TAFA2: variants seen among roughly 807,000 people sequenced by gnomAD.
TAFA2 encodes the protein chemokine-like protein TAFA-2.
Under a neutral mutation model 18.8 loss-of-function variants are expected in TAFA2, and 7 were observed. The ratio of observed to expected loss-of-function variants is 0.37; its 90% CI spans 0.21 to 0.70. The LOEUF (loss-of-function observed/expected upper bound fraction) is 0.70. TAFA2 is among the 30% of genes least tolerant of loss of function. The pLI, the probability that TAFA2 is intolerant of heterozygous loss-of-function variation, is 0.53. For synonymous variants in TAFA2, 60 were observed against 54.2 expected (o/e 1.11, Z -0.47); for missense variants, 122 against 158.1 (o/e 0.77, Z 1.23).
At chr12:62,173,425 A>T (rs190650285) in intron 1 of TAFA2, among the ~76,000 whole-genome samples, 1 of 152,226 alleles carries the variant, frequency 6.6e-6, no homozygotes, top group Non-Finnish European at 1.5e-5. Flanking sequence ...AAGAAAAAAA[A>T]ATAGTGTGAA....
At chr12:62,222,688 T>C (rs560062476) in intron 1 of TAFA2, among the ~76,000 whole-genome samples, 3,271 of 150,748 alleles carry the variant, frequency 0.022, 119 homozygotes, top group African/African-American at 0.074. Flanking sequence ...TTTTTTTTTT[T>C]TATTTTTAGT....
chr12:62,150,345 A>G (rs1454444111), intron 1 of TAFA2, among the ~76,000 whole-genome samples: 2 of 152,308 alleles, frequency 1.3e-5, no homozygotes, highest in East Asian at 3.9e-4. Flanking sequence ...GGTATTAGAT[A>G]CAAGTAAATA....
intron 4 of TAFA2, among the ~76,000 whole-genome samples, chr12:61,744,300 A>T (rs1230529576): frequency 6.6e-6 from 1 of 152,148 alleles, no homozygotes; most frequent in African/African-American, 2.4e-5. Context: ...TTGGAGTAAC[A>T]TCTACAGATT....
At chr12:61,911,450 T>A (rs139738672) in intron 1 of TAFA2, among the ~76,000 whole-genome samples, 82 of 152,348 alleles carry the variant, frequency 5.4e-4, no homozygotes, top group African/African-American at 1.9e-3. Flanking sequence ...ATTCTTTCCA[T>A]GTATAAGTTA....
intron 2 of TAFA2, among the ~76,000 whole-genome samples, chr12:61,814,099 G>T (rs949103690): frequency 6.6e-6 from 1 of 151,280 alleles, no homozygotes; most frequent in African/African-American, 2.5e-5. Flanking sequence ...ATTTCAATAA[G>T]GGAAATAAAT....
In TAFA2 at chr12:62,047,456, T is replaced by C. The variant is rs559285184; in HGVS notation, c.-2+143803A>G. 5.3e-5 allele frequency among the ~76,000 whole-genome samples: 8 copies of C among 152,324 alleles called. 1 individual carries two copies. The South Asian group carries it at 1.7e-3, about 32-fold the overall frequency. On this transcript the variant is annotated intron_variant, in intron 1 of 4. Coordinates refer to ENST00000416284, the MANE Select transcript of TAFA2 (RefSeq NM_178539.5). Reference sequence around the variant, plus strand: ...AAAGCTCTATATAATATAAATTTATTACTTCTGCTAATATTTAGCTGAACA... The same window carrying C: ...AAAGCTCTATATAATATAAATTTATCACTTCTGCTAATATTTAGCTGAACA...
At chr12:61,942,309 C>T (rs1296868321) in intron 1 of TAFA2, among the ~76,000 whole-genome samples, 1 of 147,828 alleles carries the variant, frequency 6.8e-6, no homozygotes, top group Non-Finnish European at 1.5e-5. Flanking sequence ...CTGTACATCA[C>T]CATCATCAAA....
chr12:61,867,977 A>G (rs888327422), intron 1 of TAFA2, among the ~76,000 whole-genome samples: 6 of 152,048 alleles, frequency 3.9e-5, no homozygotes, highest in South Asian at 2.1e-4. Flanking sequence ...AATGTGCACA[A>G]CTCCACTACA....
chr12:61,788,301 C>A (rs937067619), intron 2 of TAFA2, among the ~76,000 whole-genome samples: 1 of 151,594 alleles, frequency 6.6e-6, no homozygotes, highest in African/African-American at 2.4e-5. Context: ...GTTATCCAGA[C>A]CAAAAACATC....
chr12:62,111,734 A>G (rs1490730561), intron 1 of TAFA2, among the ~76,000 whole-genome samples: 2 of 151,890 alleles, frequency 1.3e-5, no homozygotes, highest in Non-Finnish European at 2.9e-5. Context: ...CCCTTTACCA[A>G]TGTAATTCCC....
chr12:62,206,575 C>T (rs76332013), intron 1 of TAFA2, among the ~76,000 whole-genome samples: 8,410 of 152,054 alleles, frequency 0.055, 282 homozygotes, highest in African/African-American at 0.085. Flanking sequence ...GTCACCCAGG[C>T]GGGATGCAGT....
chr12:62,056,406 C>A lies in TAFA2; in HGVS notation c.-2+134853G>T, dbSNP rs575695063. Among the ~76,000 whole-genome samples, 66 of 152,326 alleles carry A rather than the reference C, an allele frequency of 4.3e-4. 1 individual carries two copies. The highest frequency in any genetic ancestry group is 1.9e-3 in the South Asian group (9 of 4,826). On this transcript the variant is annotated intron_variant, in intron 1 of 4. Transcript: ENST00000416284. ...CATTGAAAAGTTCAACTGATGTTTA[C>A]AACCACCAGTGTGGCATATAATAAT...
chr12:62,069,582 C>T (rs959250240), intron 1 of TAFA2, among the ~76,000 whole-genome samples: 2 of 152,146 alleles, frequency 1.3e-5, no homozygotes, highest in Non-Finnish European at 2.9e-5. Flanking sequence ...CTTATAATAA[C>T]ACTAGCTAAC....
intron 1 of TAFA2, among the ~76,000 whole-genome samples, chr12:61,896,344 A>G (rs942414625): frequency 6.6e-6 from 1 of 152,222 alleles, no homozygotes; most frequent in Admixed American, 6.5e-5. Flanking sequence ...ATCTAATTAT[A>G]TTACACTTTC....
At chr12:62,252,140 G>A (rs1009348104) in intron 1 of TAFA2, 2 of 152,240 alleles carry the variant, frequency 1.3e-5, no homozygotes, top group African/African-American at 4.8e-5. Flanking sequence ...CTTACCTGGT[G>A]GGATGATCCA....
At chr12:61,833,067 T>TAC (rs1383745298) in intron 2 of TAFA2, among the ~76,000 whole-genome samples, 2 of 147,070 alleles carry the variant, frequency 1.4e-5, no homozygotes, top group Admixed American at 1.4e-4. Context: ...TAAATATATA[T>TAC]ACATATATAA....
chr12:62,209,771 C>G (rs2062706056), intron 1 of TAFA2, among the ~76,000 whole-genome samples: 1 of 152,132 alleles, frequency 6.6e-6, no homozygotes, highest in Non-Finnish European at 1.5e-5. Flanking sequence ...AATTTTTTAA[C>G]CAAAAGTGGG....
chr12:62,093,605 G>A (rs1335825374), intron 1 of TAFA2, among the ~76,000 whole-genome samples: 3 of 152,002 alleles, frequency 2.0e-5, no homozygotes, highest in Non-Finnish European at 4.4e-5. Context: ...CATCCAAACA[G>A]GTATTGTTCC....
intron 1 of TAFA2, among the ~76,000 whole-genome samples, chr12:62,043,032 AG>A (rs1881805862): frequency 6.6e-6 from 1 of 152,216 alleles, no homozygotes; most frequent in Admixed American, 6.5e-5. Context: ...ACAGATAACA[AG>A]GACAAAAGTA....
Sources: allele counts gnomAD v4.1 joint callset (sites outside exome capture counted in the v4.1 genomes callset), GRCh38; gene constraint gnomAD v4.1.1; transcripts MANE v1.5; gene names NCBI Gene and HGNC (gene_info 2026-07-23, HGNC 2026-07-21).